Variants in GRAMD1B observed in about 807,000 individuals in gnomAD.
The protein encoded by GRAMD1B is GRAM domain containing 1B.
Under a neutral mutation model 99.7 loss-of-function variants are expected in GRAMD1B, and 37 were observed. The ratio of observed to expected loss-of-function variants is 0.37; its 90% CI spans 0.29 to 0.49. The LOEUF is 0.49. GRAMD1B is among the 20% of genes least tolerant of loss of function. The probability of loss-of-function intolerance (pLI) is 0.98; values close to 1 mark genes in which losing one functional copy is unlikely to be tolerated. For missense variants in GRAMD1B, 888 were observed against 1,009.2 expected (o/e 0.88, Z 1.63); for synonymous variants, 427 against 387.6 (o/e 1.10, Z -1.19).
intron 2 of GRAMD1B, chr11:123,526,143 G>A: frequency 6.2e-7 from 1 of 1,612,756 alleles, no homozygotes; most frequent in Non-Finnish European, 8.5e-7. Flanking sequence ...TATCGTGACT[G>A]TACTAATGAA....
At chr11:123,497,328 CCT>C (rs1361638713) in intron 2 of GRAMD1B, among the ~76,000 whole-genome samples, 1 of 152,182 alleles carries the variant, frequency 6.6e-6, no homozygotes, top group Non-Finnish European at 1.5e-5. Context: ...CAGAAGCACC[CCT>C]GTCGCCACCA....
chr11:123,522,932 T>G (rs1327896200), intron 2 of GRAMD1B, among the ~76,000 whole-genome samples: 3 of 152,254 alleles, frequency 2.0e-5, no homozygotes, highest in African/African-American at 7.2e-5. Context: ...GGAGATTTTT[T>G]ATAAACATAC....
rs377458705 is a variant in GRAMD1B at position 123,542,522 on chromosome 11, C to T, written c.453-34845C>T. ...GAGTTTGTGCTCTGGGAGAATTTAT[C>T]AGGGAAGTCTCCCTGGGGAAGAAGC... is the stretch of plus-strand genomic sequence containing the variant. On this transcript the variant is annotated intron_variant, in intron 2 of 19. Coordinates refer to ENST00000635736, the MANE Select transcript of GRAMD1B (RefSeq NM_001387025.1). 1.5e-3 allele frequency among the ~76,000 whole-genome samples: 232 copies of T among 152,290 alleles called. 2 individuals carry two copies. Among genetic ancestry groups the T allele is most frequent in the African/African-American group, 5.1e-3 (212 of 41,546 alleles).
intron 2 of GRAMD1B, among the ~76,000 whole-genome samples, chr11:123,501,176 AT>A (rs1489534103): frequency 1.3e-5 from 2 of 150,960 alleles, no homozygotes; most frequent in African/African-American, 4.9e-5. Context: ...TTTTTATTTT[AT>A]TTTTATTTTT....
chr11:123,493,649 C>T (rs1222597988), intron 2 of GRAMD1B, among the ~76,000 whole-genome samples: 1 of 152,098 alleles, frequency 6.6e-6, no homozygotes, highest in Admixed American at 6.5e-5. Flanking sequence ...GAACGTGGGC[C>T]CAGAAGGTGT....
At chr11:123,381,333 A>G (rs935617270) in intron 1 of GRAMD1B, 9 of 154,256 alleles carry the variant, frequency 5.8e-5, no homozygotes, top group African/African-American at 1.9e-4. Flanking sequence ...GTTTCCCAGG[A>G]AAAGGGAAGT....
intron 7 of GRAMD1B, among the ~76,000 whole-genome samples, chr11:123,600,173 G>A (rs1951775686): frequency 6.6e-6 from 1 of 152,190 alleles, no homozygotes; most frequent in Admixed American, 6.5e-5. Flanking sequence ...CAGTAGGTGG[G>A]TGAGGGACAT....
intron 2 of GRAMD1B, among the ~76,000 whole-genome samples, chr11:123,550,565 G>C (rs1429716640): frequency 1.3e-5 from 2 of 152,214 alleles, no homozygotes; most frequent in African/African-American, 4.8e-5. Context: ...GAAGAGTGGG[G>C]TGGAGGAAGG....
chr11:123,470,577 G>A (rs1185972876), intron 1 of GRAMD1B, among the ~76,000 whole-genome samples: 3 of 144,680 alleles, frequency 2.1e-5, no homozygotes, highest in Non-Finnish European at 4.5e-5. Context: ...GCAGTGGCAC[G>A]ATCTCGGCTT....
intron 1 of GRAMD1B, among the ~76,000 whole-genome samples, chr11:123,438,934 G>A (rs1186295348): frequency 6.6e-6 from 1 of 152,218 alleles, no homozygotes; most frequent in Non-Finnish European, 1.5e-5. Flanking sequence ...TAGACCTGGG[G>A]CCAAGGCTGG....
intron 2 of GRAMD1B, among the ~76,000 whole-genome samples, chr11:123,493,166 A>G (rs1394471555): frequency 6.6e-6 from 1 of 152,214 alleles, no homozygotes; most frequent in African/African-American, 2.4e-5. Context: ...ACCTTAGTTT[A>G]AATTCCAGCT....
intron 7 of GRAMD1B, among the ~76,000 whole-genome samples, chr11:123,596,476 G>A (rs1951287364): frequency 6.6e-6 from 1 of 152,234 alleles, no homozygotes; most frequent in African/African-American, 2.4e-5. Context: ...AGGATGGGGA[G>A]TCTGATAGAA....
intron 2 of GRAMD1B, among the ~76,000 whole-genome samples, chr11:123,520,581 G>A (rs1024893406): frequency 1.3e-5 from 2 of 151,560 alleles, no homozygotes; most frequent in Non-Finnish European, 2.9e-5. Context: ...GAACAGCCTG[G>A]GCAACACAGC....
intron 1 of GRAMD1B, among the ~76,000 whole-genome samples, chr11:123,380,327 C>T (rs1353196099): frequency 6.6e-6 from 1 of 152,214 alleles, no homozygotes; most frequent in Non-Finnish European, 1.5e-5. Flanking sequence ...CTTTGATCCT[C>T]ATGGTCTATT....
intron 2 of GRAMD1B, among the ~76,000 whole-genome samples, chr11:123,551,220 G>A (rs139250306): frequency 5.3e-5 from 8 of 152,302 alleles, no homozygotes; most frequent in East Asian, 1.9e-4. Flanking sequence ...CATTGGATGC[G>A]GTCTGTCCTC....
At chr11:123,531,597 C>T (rs779644104) in intron 2 of GRAMD1B, among the ~76,000 whole-genome samples, 13 of 152,028 alleles carry the variant, frequency 8.6e-5, no homozygotes, top group Non-Finnish European at 1.6e-4. Flanking sequence ...CTGGAAGAGA[C>T]GGTTTAGGGT....
chr11:123,625,974 G>GAGAGAGAGAGAGAGAGAGAGAGAA lies in GRAMD1B; in HGVS notation c.*3386_*3387insGAGAGAGAGAGAGAGAAAGAGAGA. 1.2e-5 allele frequency: 1 copy of GAGAGAGAGAGAGAGAGAGAGAGAA among 80,572 alleles called. No individual in the cohort carries two copies. Among genetic ancestry groups the GAGAGAGAGAGAGAGAGAGAGAGAA allele is most frequent in the South Asian group, 5.1e-4 (1 of 1,952 alleles). 5.0% of individuals were successfully genotyped at this position (80,572 alleles called of 1,614,324 possible). On this transcript the variant is annotated 3_prime_UTR_variant, in exon 20 of 20. Coordinates refer to ENST00000635736, the MANE Select transcript of GRAMD1B (RefSeq NM_001387025.1). The stretch of plus-strand genomic sequence containing the variant: ...AGAGAGAGAGAGAGAGAGAGAGAGA[G>GAGAGAGAGAGAGAGAGAGAGAGAA]AGAGAGATCGAGCTTGATGTATTGC...
chr11:123,508,698 T>G (rs1940679554), intron 2 of GRAMD1B, among the ~76,000 whole-genome samples: 1 of 152,194 alleles, frequency 6.6e-6, no homozygotes, highest in African/African-American at 2.4e-5. Flanking sequence ...GCCTTCTTTT[T>G]TTTTTTGGCA....
At chr11:123,437,472 G>A (rs569279286) in intron 1 of GRAMD1B, among the ~76,000 whole-genome samples, 4 of 152,220 alleles carry the variant, frequency 2.6e-5, no homozygotes, top group South Asian at 4.1e-4. Context: ...TCTTTCTAGG[G>A]GATGCAGAAG....
Sources: allele counts gnomAD v4.1 joint callset (sites outside exome capture counted in the v4.1 genomes callset), GRCh38; gene constraint gnomAD v4.1.1; transcripts MANE v1.5; gene names NCBI Gene and HGNC (gene_info 2026-07-23, HGNC 2026-07-21).